ACIN1: variants seen among roughly 807,000 people sequenced by gnomAD.
ACIN1 encodes apoptotic chromatin condensation inducer 1.
ACIN1 carries 16 observed loss-of-function variants against 146.6 expected under a neutral mutation model. The observed-to-expected ratio is 0.11, with a 90% CI of 0.07 to 0.17. ACIN1 has a LOEUF of 0.17. Among genes scored for constraint, ACIN1 ranks in the 10% least tolerant of loss-of-function variants. ACIN1 has a pLI of 1.00. For synonymous variants in ACIN1, 569 were observed against 582.7 expected, an observed-to-expected ratio of 0.98 and a Z score of 0.34; for missense variants, 1,357 against 1,609.3, an observed-to-expected ratio of 0.84 and a Z score of 2.68.
chr14:23,087,466 G>GT (rs33926920), intron 4 of ACIN1, among the ~76,000 whole-genome samples: 102 of 146,134 alleles, frequency 7.0e-4, no homozygotes, highest in Non-Finnish European at 1.2e-3. Flanking sequence ...AACGTCTGGG[G>GT]TTTTTTTTTT....
At chr14:23,090,164 T>C (rs1319721831) in intron 3 of ACIN1, 63 bp from the exon 4 acceptor site, 9 of 1,568,874 alleles carry the variant, frequency 5.7e-6, no homozygotes, top group East Asian at 2.3e-5. Flanking sequence ...TAGGAATATG[T>C]AGAGGAGTGA....
chr14:23,082,842 C>A (rs181990647), intron 4 of ACIN1, among the ~76,000 whole-genome samples: 34 of 151,724 alleles, frequency 2.2e-4, no homozygotes, highest in African/African-American at 8.0e-4. Context: ...CAGGTTCAAG[C>A]GATTCTCCTG....
Position 23,069,520 on chromosome 14 carries a change from C to T in ACIN1, c.2221G>A (p.Asp741Asn). Residue 741 changes from aspartate (D) to asparagine (N), a missense_variant, in exon 9 of 19, where the codon GAT becomes AAT. By Grantham distance (23) the Asp-to-Asn change is conservative. Transcript: ENST00000605057. ...PMPIADQVSN[D>N]DRPEGSVEDE... ...TCAACACTGCCCTCCGGGCGGTCAT[C>T]ATTGCTGACTTGGTCTGCAATAGGC... 1 of 1,614,074 alleles carries T rather than the reference C, an allele frequency of 6.2e-7. No homozygotes were observed. The highest frequency in any genetic ancestry group is 8.5e-7 in the Non-Finnish European group (1 of 1,180,002).
intron 8 of ACIN1, chr14:23,071,333 G>A: frequency 9.3e-6 from 14 of 1,513,218 alleles, no homozygotes; most frequent in Non-Finnish European, 1.2e-5. Flanking sequence ...TAGCAACCGG[G>A]GATCCAAAAA....
intron 8 of ACIN1, among the ~76,000 whole-genome samples, chr14:23,076,224 G>A (rs147241571): frequency 7.2e-5 from 11 of 152,294 alleles, no homozygotes; most frequent in South Asian, 2.1e-4. Context: ...TGGGCATGCT[G>A]TTTTGTTAGA....
At chr14:23,089,870 A>C in intron 4 of ACIN1, 112 bp downstream of exon 4, 1 of 1,339,420 alleles carries the variant, frequency 7.5e-7, no homozygotes, top group South Asian at 1.9e-5. Context: ...TCAATGTCAC[A>C]GAATTTCCCT....
Position 23,061,755 on chromosome 14 carries a change from C to T in ACIN1, c.3100-133G>A, listed in dbSNP as rs571643745. On this transcript the variant is annotated intron_variant, in intron 16 of 18. Coordinates refer to ENST00000605057, the MANE Select transcript of ACIN1 (RefSeq NM_001386863.1). Reference sequence around the variant, plus strand: ...TTGGGAGGCCAAGGCGGTCAGATCACGAGGTCAGGAGACCGAGACCATCCT... The same window carrying T: ...TTGGGAGGCCAAGGCGGTCAGATCATGAGGTCAGGAGACCGAGACCATCCT... 4.1e-5 allele frequency: 31 copies of T among 754,528 alleles called. No individual in the cohort carries two copies. The South Asian group carries it at 4.5e-4, about 11-fold the overall frequency. The allele number at this position is 754,528 out of a possible 1,614,324, so 46.7% of individuals were successfully genotyped here.
At chr14:23,085,173 A>T in intron 4 of ACIN1, among the ~76,000 whole-genome samples, 1 of 152,022 alleles carries the variant, frequency 6.6e-6, no homozygotes, top group Non-Finnish European at 1.5e-5. Context: ...TACTAAAAAT[A>T]CAAAAAAAAA....
At chr14:23,088,811 TTC>T (rs781444942) in intron 4 of ACIN1, among the ~76,000 whole-genome samples, 45 of 152,226 alleles carry the variant, frequency 3.0e-4, no homozygotes, top group Non-Finnish European at 6.0e-4. Flanking sequence ...GCATTATACT[TTC>T]TGATTCAGCA....
upstream of ACIN1, chr14:23,095,266 CG>C (rs772373443): frequency 1.9e-6 from 3 of 1,600,614 alleles, no homozygotes; most frequent in South Asian, 1.1e-5. Flanking sequence ...CGGATGTCCT[CG>C]GATGTTTCCG....
intron 10 of ACIN1, among the ~76,000 whole-genome samples, chr14:23,065,590 A>C (rs2047428161): frequency 6.6e-6 from 1 of 152,238 alleles, no homozygotes; most frequent in African/African-American, 2.4e-5. Flanking sequence ...ACTCCGTCTC[A>C]AAAAAACAAC....
chr14:23,082,825 C>T (rs932184549), intron 4 of ACIN1, among the ~76,000 whole-genome samples: 7 of 151,648 alleles, frequency 4.6e-5, no homozygotes, highest in Admixed American at 6.6e-5. Flanking sequence ...CCACAACCTC[C>T]GCCTCCCAGG....
At chr14:23,085,318 G>A (rs2048062533) in intron 4 of ACIN1, among the ~76,000 whole-genome samples, 1 of 152,200 alleles carries the variant, frequency 6.6e-6, no homozygotes, top group South Asian at 2.1e-4. Context: ...CTGGGCGACA[G>A]AGCGAGACTC....
intron 4 of ACIN1, among the ~76,000 whole-genome samples, chr14:23,085,282 C>T (rs1470169675): frequency 1.3e-5 from 2 of 152,152 alleles, no homozygotes; most frequent in Non-Finnish European, 1.5e-5. Flanking sequence ...TTGCAGTGAG[C>T]AGAGATCGCG....
intron 4 of ACIN1, among the ~76,000 whole-genome samples, chr14:23,084,277 A>C (rs1290678642): frequency 5.9e-5 from 9 of 152,074 alleles, no homozygotes; most frequent in Non-Finnish European, 5.9e-5. Flanking sequence ...ACAATCTAAA[A>C]TGAACTAGGC....
Position 23,069,543 on chromosome 14 carries a change from G to C in ACIN1, c.2198C>G (p.Pro733Arg). The C allele has an allele frequency of 6.2e-7, 1 of 1,614,054 alleles. No homozygotes were observed. Among genetic ancestry groups the C allele is most frequent in the Non-Finnish European group, 8.5e-7 (1 of 1,179,984 alleles). The change falls in exon 9 of 19, where the codon CCT becomes CGT. Residue 733 changes from proline (P) to arginine (R), a missense_variant. This residue lies in a region of ACIN1 where 771 missense variants were observed against 746.6 expected (regional missense o/e 1.03). Transcript: ENST00000605057. ...PENDVPEPPM[P>R]IADQVSNDDR... is the part of the protein sequence containing the mutation. Reference sequence around the variant, plus strand: ...ATCATTGCTGACTTGGTCTGCAATAGGCATGGGAGGTTCTGGAACATCATT... The same window carrying C: ...ATCATTGCTGACTTGGTCTGCAATACGCATGGGAGGTTCTGGAACATCATT...
At chr14:23,069,794 A>G (rs565235845) in intron 8 of ACIN1, among the ~76,000 whole-genome samples, 177 bp from the exon 9 acceptor site, 41 of 152,356 alleles carry the variant, frequency 2.7e-4, no homozygotes, top group East Asian at 3.9e-4. Context: ...AAAGTGGGAA[A>G]TAGATTTTCC....
intron 2 of ACIN1, among the ~76,000 whole-genome samples, chr14:23,091,648 C>A (rs7155006): frequency 0.65 from 94,208 of 144,554 alleles, 32,635 homozygotes; most frequent in East Asian, 0.78. Flanking sequence ...TTTTTTGAGA[C>A]GGACTATCAC....
Position 23,068,988 on chromosome 14 carries a change from C to G in ACIN1, c.2265+488G>C. ...GGGCCTTCCGGATCACAAGTGCTGG[C>G]TTCTAAGTAGCTACATCTCTGCAGT... On this transcript the variant is annotated intron_variant, in intron 9 of 18. Transcript: ENST00000605057. The surrounding 1 kb of genome is among the most constrained non-coding windows in gnomAD (Gnocchi z 4.3). 1 of 974,058 alleles carries G rather than the reference C, an allele frequency of 1.0e-6. No individual in the cohort carries two copies. The highest frequency in any genetic ancestry group is 1.2e-6 in the Non-Finnish European group (1 of 829,958). 60.3% of individuals were successfully genotyped at this position (974,058 alleles called of 1,614,324 possible). A position where few individuals can be genotyped will look rare whatever the true frequency, so the allele number is the denominator to read the frequency against.
Sources: allele counts gnomAD v4.1 joint callset (sites outside exome capture counted in the v4.1 genomes callset), GRCh38; gene constraint gnomAD v4.1.1; regional missense constraint gnomAD v4.1.1; non-coding constraint Gnocchi (gnomAD v3.1); transcripts MANE v1.5; gene names NCBI Gene and HGNC (gene_info 2026-07-23, HGNC 2026-07-21).